Variants in IQGAP2 observed in about 807,000 individuals in gnomAD.
IQGAP2 encodes IQ motif containing GTPase activating protein 2.
IQGAP2 carries 173 observed loss-of-function variants against 201.3 expected under a neutral mutation model. The observed-to-expected ratio is 0.86, with a 90% CI of 0.76 to 0.98. The LOEUF (loss-of-function observed/expected upper bound fraction) is 0.98. IQGAP2 is among the 50% of genes least tolerant of loss of function. IQGAP2 has a pLI of 0.00. For synonymous variants in IQGAP2, 675 were observed against 673.9 expected (o/e 1.00, Z -0.03); for missense variants, 1,687 against 1,864.8 (o/e 0.90, Z 1.76).
Position 76,627,482 on chromosome 5 carries a change from A to T in IQGAP2, c.1594A>T (p.Lys532Ter), listed in dbSNP as rs2909888. The change falls in exon 14 of 36, where the codon AAG becomes TAG. Residue 532 changes from lysine to a stop codon, truncating the protein, a stop_gained. Transcript: ENST00000274364. LOFTEE classifies it high-confidence loss of function. ...QQAVDDANVD[K>*]DRAKQWVTLV... The stretch of plus-strand genomic sequence containing the variant: ...AGCCGTCGATGATGCCAACGTGGAC[A>T]AGGACAGAGCAAAACAATGTAAGCC... 1 of 1,585,884 alleles carries T rather than the reference A, an allele frequency of 6.3e-7. No homozygotes were observed.
intron 1 of IQGAP2, among the ~76,000 whole-genome samples, chr5:76,449,235 C>T (rs1421652901): frequency 6.6e-6 from 1 of 152,162 alleles, no homozygotes; most frequent in Non-Finnish European, 1.5e-5. Flanking sequence ...TGTTTTGCAC[C>T]TAACTTCCTT....
chr5:76,473,902 C>T (rs1219025181), intron 2 of IQGAP2, among the ~76,000 whole-genome samples: 1 of 152,178 alleles, frequency 6.6e-6, no homozygotes, highest in Non-Finnish European at 1.5e-5. Flanking sequence ...CTGCCTCATG[C>T]TGTGATGCTT....
chr5:76,513,099 C>G (rs1239372272), intron 2 of IQGAP2, among the ~76,000 whole-genome samples: 1 of 151,658 alleles, frequency 6.6e-6, no homozygotes, highest in Non-Finnish European at 1.5e-5. Flanking sequence ...GTTACTTTTG[C>G]ACTTTCGTGG....
intron 22 of IQGAP2, 42 bp downstream of exon 22, chr5:76,665,217 CTA>C (rs1306066869): frequency 6.4e-7 from 1 of 1,556,792 alleles, no homozygotes; most frequent in Admixed American, 1.7e-5. Flanking sequence ...GGGAGTAATA[CTA>C]TGTTACATGT....
At chr5:76,514,137 C>A (rs908569145) in intron 2 of IQGAP2, among the ~76,000 whole-genome samples, 2 of 149,664 alleles carry the variant, frequency 1.3e-5, no homozygotes, top group Non-Finnish European at 2.9e-5. Context: ...GATTCTCCTG[C>A]CTCAGCTTCC....
chr5:76,654,095 G>A (rs1209101563), intron 18 of IQGAP2, 105 bp from the exon 19 acceptor site: 3 of 701,768 alleles, frequency 4.3e-6, no homozygotes, highest in Admixed American at 6.0e-5. Flanking sequence ...AAGTATCATT[G>A]TTTTTAGAAA....
At chr5:76,603,971 T>A (rs1013208332) in intron 11 of IQGAP2, among the ~76,000 whole-genome samples, 1 of 152,162 alleles carries the variant, frequency 6.6e-6, no homozygotes, top group Non-Finnish European at 1.5e-5. Flanking sequence ...TGTGTTACTT[T>A]AAAAAAAATT....
At chr5:76,623,455 A>C in intron 13 of IQGAP2, 1 of 542,142 alleles carries the variant, frequency 1.8e-6, no homozygotes. Context: ...AAGCCTCTGA[A>C]CGTGTTACGT....
rs374081515 is a variant in IQGAP2 at position 76,619,578 on chromosome 5, A to G, written c.1522-7832A>G. 3.6e-5 allele frequency among the ~76,000 whole-genome samples: 5 copies of G among 138,418 alleles called. No homozygotes were observed. In the East Asian group the frequency reaches 6.3e-4, roughly 17 times the overall value. 90.8% of individuals were successfully genotyped at this position (138,418 alleles called of 152,430 possible). ...GTCGCCCAGGCTGGAGTGCAGTGGC[A>G]CGATCTCAGCTCACTGCAACCTCCG... On this transcript the variant is annotated intron_variant, in intron 13 of 35. Transcript: ENST00000274364.
intron 32 of IQGAP2, 45 bp from the exon 33 acceptor site, chr5:76,697,942 A>C: frequency 6.7e-7 from 1 of 1,499,028 alleles, no homozygotes; most frequent in Non-Finnish European, 9.1e-7. Flanking sequence ...AATATCATAA[A>C]GCAAACTTCT....
chr5:76,628,414 A>C (rs895904810), intron 14 of IQGAP2, among the ~76,000 whole-genome samples: 32 of 152,168 alleles, frequency 2.1e-4, no homozygotes, highest in African/African-American at 7.5e-4. Flanking sequence ...GGAGTGCATA[A>C]TCGGAATAGG....
In IQGAP2 at chr5:76,707,567, T is replaced by C. The variant is rs1748017362; in HGVS notation, c.*254T>C. 1 of 333,142 alleles carries C rather than the reference T, an allele frequency of 3.0e-6. No homozygotes were observed. The highest frequency in any genetic ancestry group is 5.4e-6 in the Non-Finnish European group (1 of 184,274). 20.6% of individuals were successfully genotyped at this position (333,142 alleles called of 1,614,324 possible). The stretch of plus-strand genomic sequence containing the variant: ...GATATAGGTACTCTGATTTAAAACT[T>C]TGGACATCCTGTGATCTGTTTTAAA... On this transcript the variant is annotated 3_prime_UTR_variant, in exon 36 of 36. Coordinates refer to ENST00000274364, the MANE Select transcript of IQGAP2 (RefSeq NM_006633.5).
chr5:76,550,322 C>A (rs1311781538), intron 2 of IQGAP2, among the ~76,000 whole-genome samples: 3 of 150,696 alleles, frequency 2.0e-5, no homozygotes, highest in Non-Finnish European at 4.4e-5. Context: ...ATGATCTGTC[C>A]TCCAGGCCCA....
chr5:76,686,973 T>G (rs1745835573), intron 30 of IQGAP2, among the ~76,000 whole-genome samples: 6 of 152,244 alleles, frequency 3.9e-5, no homozygotes, highest in Admixed American at 3.9e-4. Flanking sequence ...TTCACTTATA[T>G]GTCTATCCTT....
intron 30 of IQGAP2, among the ~76,000 whole-genome samples, chr5:76,692,292 C>A (rs1004788733): frequency 6.6e-6 from 1 of 152,182 alleles, no homozygotes; most frequent in African/African-American, 2.4e-5. Flanking sequence ...GCTGGAATTA[C>A]AGGCACATGC....
intron 13 of IQGAP2, chr5:76,617,915 G>GATGA: frequency 6.2e-7 from 1 of 1,614,148 alleles, no homozygotes; most frequent in Non-Finnish European, 8.5e-7. Flanking sequence ...ATGCCAAGGA[G>GATGA]ATGAAGTAAT....
At chr5:76,654,828 A>T in intron 19 of IQGAP2, 106 bp from the exon 20 acceptor site, 1 of 703,692 alleles carries the variant, frequency 1.4e-6, no homozygotes, top group Non-Finnish European at 2.5e-6. Flanking sequence ...GTCAGTTCTA[A>T]GTAGTGTCAG....
intron 21 of IQGAP2, among the ~76,000 whole-genome samples, chr5:76,661,569 T>G (rs1743249245): frequency 6.6e-6 from 1 of 152,196 alleles, no homozygotes; most frequent in Non-Finnish European, 1.5e-5. Context: ...TTATACTACT[T>G]CACTGCTTAT....
chr5:76,652,834 G>A lies in IQGAP2; in HGVS notation c.2178+1G>A. 1.9e-6 allele frequency: 3 copies of A among 1,563,678 alleles called. No homozygotes were observed. The highest frequency in any genetic ancestry group is 1.8e-6 in the Non-Finnish European group (2 of 1,133,742). On this transcript the variant is annotated splice_donor_variant, in intron 18 of 35. Coordinates refer to ENST00000274364, the MANE Select transcript of IQGAP2 (RefSeq NM_006633.5). LOFTEE classifies it high-confidence loss of function. ...TGATAATACTGATTCTATTGTGAAGGTAAATACCCTTTCCTACCATACCAA... is the reference window on the plus strand; with the variant it reads ...TGATAATACTGATTCTATTGTGAAGATAAATACCCTTTCCTACCATACCAA...
Sources: allele counts gnomAD v4.1 joint callset (sites outside exome capture counted in the v4.1 genomes callset), GRCh38; gene constraint gnomAD v4.1.1; transcripts MANE v1.5; gene names NCBI Gene and HGNC (gene_info 2026-07-23, HGNC 2026-07-21).